Variants in ZNF766 observed in about 807,000 individuals in gnomAD.
ZNF766 encodes zinc finger protein 766.
ZNF766 carries 13 observed loss-of-function variants against 13.2 expected under a neutral mutation model. The ratio of observed to expected loss-of-function variants is 0.98; its 90% CI spans 0.64 to 1.56. The LOEUF (loss-of-function observed/expected upper bound fraction) is 1.56. Ranked by LOEUF, ZNF766 falls within the 40% of genes most tolerant of loss-of-function variation. The pLI is 0.00. For synonymous variants in ZNF766, 178 were observed against 187.6 expected (o/e 0.95, Z 0.42); for missense variants, 521 against 552.2 (o/e 0.94, Z 0.57).
chr19:52,269,597 G>T lies in ZNF766; in HGVS notation c.-17G>T. On this transcript the variant is annotated 5_prime_UTR_variant, in exon 1 of 4. Coordinates refer to ENST00000439461, the MANE Select transcript of ZNF766 (RefSeq NM_001010851.3). ...CGCGCAGCCGCCTGCAGACCCGGAAGTGGATGGCGTGGAGATATGGCGCAA... is the reference window on the plus strand; with the variant it reads ...CGCGCAGCCGCCTGCAGACCCGGAATTGGATGGCGTGGAGATATGGCGCAA... 6.2e-7 allele frequency: 1 copy of T among 1,612,248 alleles called. No homozygotes were observed. The highest frequency in any genetic ancestry group is 2.2e-5 in the East Asian group (1 of 44,810).
intron 3 of ZNF766, among the ~76,000 whole-genome samples, chr19:52,288,915 G>A (rs1350474554): frequency 6.6e-6 from 1 of 151,618 alleles, no homozygotes; most frequent in African/African-American, 2.4e-5. Context: ...GCACGATCTC[G>A]GCTCACTGCA....
chr19:52,289,984 A>G (rs1421886075), intron 3 of ZNF766, 82 bp from the exon 4 acceptor site: 15 of 1,455,902 alleles, frequency 1.0e-5, no homozygotes, highest in African/African-American at 1.4e-5. Flanking sequence ...CTGGGTGGCA[A>G]AGCCAGACTC....
At chr19:52,284,866 A>G (rs1196129297) in intron 3 of ZNF766, 1 of 152,120 alleles carries the variant, frequency 6.6e-6, no homozygotes. Flanking sequence ...GGCGAGGCAC[A>G]TGGGAAGATT....
At position 52,290,577 on chromosome 19, in the gene ZNF766, G is replaced by T; in HGVS notation, c.786G>T (p.Glu262Asp). 1 of 1,614,110 alleles carries T rather than the reference G, an allele frequency of 6.2e-7. No individual in the cohort carries two copies. ...FNRIAYLARHEKVHTGESPYK... is the reference protein window; with the variant it reads ...FNRIAYLARHDKVHTGESPYK... ...GAATTGCATACCTTGCACGACACGAGAAAGTGCATACTGGAGAGAGTCCTT... is the reference window on the plus strand; with the variant it reads ...GAATTGCATACCTTGCACGACACGATAAAGTGCATACTGGAGAGAGTCCTT... The change falls in exon 4 of 4, where the codon GAG becomes GAT. Residue 262 changes from glutamate (E) to aspartate (D), a missense_variant. Physicochemically the swap from Glu to Asp is conservative, Grantham distance 45. Transcript: ENST00000439461.
chr19:52,290,697 C>G lies in ZNF766; in HGVS notation c.906C>G (p.Asn302Lys). ...IHTREKPHKC[N>K]KCGKVYSSSS... ...CTAGAGAGAAACCTCATAAATGTAACAAATGTGGCAAGGTTTATAGTAGCA... is the reference window on the plus strand; with the variant it reads ...CTAGAGAGAAACCTCATAAATGTAAGAAATGTGGCAAGGTTTATAGTAGCA... The change falls in exon 4 of 4, where the codon AAC (asparagine) becomes AAG (lysine). Residue 302 changes from asparagine (N) to lysine (K), a missense_variant. Transcript: ENST00000439461. The G allele has an allele frequency of 6.2e-7, 1 of 1,613,610 alleles. No homozygotes were observed. The highest frequency in any genetic ancestry group is 2.2e-5 in the East Asian group (1 of 44,860).
chr19:52,288,936 C>T (rs1160066346), intron 3 of ZNF766, among the ~76,000 whole-genome samples: 3 of 151,846 alleles, frequency 2.0e-5, no homozygotes, highest in African/African-American at 7.3e-5. Context: ...ACCTCTGCCT[C>T]CCGGGTTCAA....
chr19:52,289,817 A>C (rs368649109), intron 3 of ZNF766, among the ~76,000 whole-genome samples: 2 of 151,998 alleles, frequency 1.3e-5, no homozygotes, highest in Non-Finnish European at 2.9e-5. Context: ...TGGCTAACAC[A>C]GTGAAACCCC....
At position 52,283,486 on chromosome 19, in the gene ZNF766, C is replaced by T. The variant is rs907090316; in HGVS notation, c.274+73C>T. The T allele has an allele frequency of 5.4e-6, 8 of 1,470,602 alleles. No individual in the cohort carries two copies. In the African/African-American group the frequency reaches 8.6e-5, roughly 16 times the overall value. 91.1% of individuals were successfully genotyped at this position (1,470,602 alleles called of 1,614,324 possible). A position where few individuals can be genotyped will look rare whatever the true frequency, so the allele number is the denominator to read the frequency against. On this transcript the variant is annotated intron_variant, in intron 3 of 3. Transcript: ENST00000439461. ...TTTGAGACAGTCTCTGTTCCCCACA[C>T]TGGAGTGCATTGGCCATCATAGCTC... is the stretch of plus-strand genomic sequence containing the variant.
chr19:52,292,402 G>C lies in ZNF766; in HGVS notation c.*1204G>C, dbSNP rs1478058088. On this transcript the variant is annotated 3_prime_UTR_variant, in exon 4 of 4. Coordinates refer to ENST00000439461, the MANE Select transcript of ZNF766 (RefSeq NM_001010851.3). ...GTGCTCTACAAATGACCATGAAATAGAGCACGCCATGACTTTAGGACACAG... is the reference window on the plus strand; with the variant it reads ...GTGCTCTACAAATGACCATGAAATACAGCACGCCATGACTTTAGGACACAG... 1.9e-6 allele frequency: 1 copy of C among 521,428 alleles called. No individual in the cohort carries two copies. The highest frequency in any genetic ancestry group is 1.9e-5 in the African/African-American group (1 of 51,802). The allele number at this position is 521,428 out of a possible 1,614,324, so 32.3% of individuals were successfully genotyped here. A position where few individuals can be genotyped will look rare whatever the true frequency, so the allele number is the denominator to read the frequency against.
rs1051094066 is a variant in ZNF766, at chr19:52,277,230, C to T, written c.19-4881C>T. ...ATCCCGGCACTTTGGGAGGCCGAGA[C>T]GGGCAGATCACGAGGTCAGGAGATC... On this transcript the variant is annotated intron_variant, in intron 1 of 3. Coordinates refer to ENST00000439461, the MANE Select transcript of ZNF766 (RefSeq NM_001010851.3). 1.5e-5 allele frequency: 18 copies of T among 1,173,390 alleles called. No homozygotes were observed. In the East Asian group the frequency reaches 2.8e-4, roughly 18 times the overall value. The allele number at this position is 1,173,390 out of a possible 1,614,324, so 72.7% of individuals were successfully genotyped here.
At chr19:52,273,033 G>A (rs1166701155) in intron 1 of ZNF766, among the ~76,000 whole-genome samples, 1 of 151,304 alleles carries the variant, frequency 6.6e-6, no homozygotes, top group African/African-American at 2.4e-5. Context: ...TTTTCGAGAC[G>A]GAGTCTTGCT....
At chr19:52,286,516 T>C (rs746695118) in intron 3 of ZNF766, among the ~76,000 whole-genome samples, 1 of 152,116 alleles carries the variant, frequency 6.6e-6, no homozygotes, top group Non-Finnish European at 1.5e-5. Flanking sequence ...GCTCAAGCGA[T>C]CCTCCCGCCT....
intron 1 of ZNF766, chr19:52,277,458 CAAA>C: frequency 6.7e-7 from 1 of 1,481,930 alleles, no homozygotes; most frequent in Non-Finnish European, 9.0e-7. Context: ...GACTCCGTCT[CAAA>C]AAAAAACAAA....
chr19:52,289,890 A>G (rs1982030039), intron 3 of ZNF766, among the ~76,000 whole-genome samples, 176 bp from the exon 4 acceptor site: 1 of 152,184 alleles, frequency 6.6e-6, no homozygotes, highest in Non-Finnish European at 1.5e-5. Flanking sequence ...AGTCCCAGCT[A>G]CTTGGGAGGC....
In ZNF766 at chr19:52,290,288, A is replaced by G. The variant is rs1004892032; in HGVS notation, c.497A>G (p.Asn166Ser). 1.7e-5 allele frequency: 28 copies of G among 1,613,678 alleles called. No individual in the cohort carries two copies. The highest frequency in any genetic ancestry group is 2.1e-5 in the Non-Finnish European group (25 of 1,179,790). ...VKTHIFNKHR[N>S]DFVDFPLLSQ... ...ACCCACATATTTAATAAACATAGGA[A>G]TGATTTTGTTGATTTTCCATTGCTG... The change falls in exon 4 of 4, where the codon AAT (asparagine) becomes AGT (serine). Residue 166 changes from asparagine (N) to serine (S), a missense_variant. Asn to Ser is a conservative substitution (Grantham distance 46). Transcript: ENST00000439461.
At chr19:52,287,986 T>C in intron 3 of ZNF766, 1 of 427,338 alleles carries the variant, frequency 2.3e-6, no homozygotes, top group Non-Finnish European at 4.6e-6. Flanking sequence ...CTAACCTTTA[T>C]TTTTTCTTTC....
chr19:52,284,720 C>T (rs913091772), intron 3 of ZNF766: 3 of 151,934 alleles, frequency 2.0e-5, no homozygotes, highest in South Asian at 2.1e-4. Context: ...AGGGTTCCCT[C>T]GACCCCCTTC....
rs766172948 is a variant in ZNF766, at chr19:52,290,567, C to T, written c.776C>T (p.Ala259Val). 1 of 1,614,014 alleles carries T rather than the reference C, an allele frequency of 6.2e-7. No individual in the cohort carries two copies. The highest frequency in any genetic ancestry group is 1.1e-5 in the South Asian group (1 of 91,076). Residue 259 changes from alanine to valine, a missense_variant, in exon 4 of 4, where the codon GCA (alanine) becomes GTA (valine). Physicochemically the swap from Ala to Val is moderately conservative, Grantham distance 64. Transcript: ENST00000439461. ...CTCTTCAATCGAATTGCATACCTTGCACGACACGAGAAAGTGCATACTGGA... is the reference window on the plus strand; with the variant it reads ...CTCTTCAATCGAATTGCATACCTTGTACGACACGAGAAAGTGCATACTGGA... ...GKLFNRIAYLARHEKVHTGES... is the reference protein window; with the variant it reads ...GKLFNRIAYLVRHEKVHTGES...
chr19:52,292,369 G>A lies in ZNF766; in HGVS notation c.*1171G>A, dbSNP rs771543695. 4.3e-5 allele frequency: 25 copies of A among 575,974 alleles called. No homozygotes were observed. The highest frequency in any genetic ancestry group is 9.3e-5 in the Admixed American group (3 of 32,396). The allele number at this position is 575,974 out of a possible 1,614,324, so 35.7% of individuals were successfully genotyped here. A position where few individuals can be genotyped will look rare whatever the true frequency, so the allele number is the denominator to read the frequency against. On this transcript the variant is annotated 3_prime_UTR_variant, in exon 4 of 4. Coordinates refer to ENST00000439461, the MANE Select transcript of ZNF766 (RefSeq NM_001010851.3). ...GCACACACTTTTCCTGACAGGCACAGTGCTGCTGTGCTCTACAAATGACCA... is the reference window on the plus strand; with the variant it reads ...GCACACACTTTTCCTGACAGGCACAATGCTGCTGTGCTCTACAAATGACCA...
Sources: allele counts gnomAD v4.1 joint callset (sites outside exome capture counted in the v4.1 genomes callset), GRCh38; gene constraint gnomAD v4.1.1; transcripts MANE v1.5; gene names NCBI Gene and HGNC (gene_info 2026-07-23, HGNC 2026-07-21).